Variants in SMCHD1 observed in about 807,000 individuals in gnomAD.
SMCHD1 encodes the protein structural maintenance of chromosomes flexible hinge domain containing 1, also known as structural maintenance of chromosomes flexible hinge domain-containing protein 1.
In SMCHD1, 78 loss-of-function variants were observed where a neutral mutation model predicts 254.7. The ratio of observed to expected loss-of-function variants is 0.31; its 90% CI spans 0.26 to 0.37. SMCHD1 has a LOEUF of 0.37. Ranked by LOEUF, SMCHD1 falls within the 10% of genes least tolerant of loss-of-function variation. The pLI, the probability that SMCHD1 is intolerant of heterozygous loss-of-function variation, is 1.00. For missense variants in SMCHD1, 1,840 were observed against 2,408.1 expected (o/e 0.76, Z 4.94); for synonymous variants, 766 against 794.9 (o/e 0.96, Z 0.61).
chr18:2,742,934 A>G (rs1479340933), intron 28 of SMCHD1, among the ~76,000 whole-genome samples: 1 of 152,182 alleles, frequency 6.6e-6, no homozygotes, highest in Non-Finnish European at 1.5e-5. Flanking sequence ...TTGGCCTCGT[A>G]AAGTGCTGGG....
chr18:2,802,636 C>T lies in SMCHD1; in HGVS notation c.*84C>T. The T allele has an allele frequency of 2.3e-6, 3 of 1,280,890 alleles. No individual in the cohort carries two copies. Among genetic ancestry groups the T allele is most frequent in the Non-Finnish European group, 3.2e-6 (3 of 930,856 alleles). 79.3% of individuals were successfully genotyped at this position (1,280,890 alleles called of 1,614,324 possible). A position where few individuals can be genotyped will look rare whatever the true frequency, so the allele number is the denominator to read the frequency against. Reference sequence around the variant, plus strand: ...CTGTTTCAGAAGACCAAGAGGGTGACTTACCAGACTGAGTATTTCTGGGGA... The same window carrying T: ...CTGTTTCAGAAGACCAAGAGGGTGATTTACCAGACTGAGTATTTCTGGGGA... On this transcript the variant is annotated 3_prime_UTR_variant, in exon 48 of 48. Coordinates refer to ENST00000320876, the MANE Select transcript of SMCHD1 (RefSeq NM_015295.3).
chr18:2,696,673 G>A (rs1044340114), intron 8 of SMCHD1, among the ~76,000 whole-genome samples: 1 of 152,178 alleles, frequency 6.6e-6, no homozygotes, highest in South Asian at 2.1e-4. Context: ...CTGGTAAGTA[G>A]AATTATAGAC....
intron 5 of SMCHD1, among the ~76,000 whole-genome samples, chr18:2,676,056 T>G (rs2073741784): frequency 1.3e-5 from 2 of 152,204 alleles, no homozygotes; most frequent in African/African-American, 4.8e-5. Flanking sequence ...GATACACCCC[T>G]TCAGCCTCTA....
chr18:2,754,528 A>G (rs528537091), intron 34 of SMCHD1, among the ~76,000 whole-genome samples: 122 of 152,348 alleles, frequency 8.0e-4, no homozygotes, highest in African/African-American at 2.7e-3. Context: ...AATGTTGTCA[A>G]CCAGGGAAGC....
chr18:2,784,335 G>T (rs2076206002), intron 44 of SMCHD1, 115 bp from the exon 45 acceptor site: 2 of 892,396 alleles, frequency 2.2e-6, no homozygotes, highest in Admixed American at 3.5e-5. Flanking sequence ...CTAAGTTTTT[G>T]AAAATACTAC....
At chr18:2,759,652 C>G (rs957072067) in intron 34 of SMCHD1, among the ~76,000 whole-genome samples, 2 of 140,372 alleles carry the variant, frequency 1.4e-5, no homozygotes, top group African/African-American at 5.2e-5. Flanking sequence ...TCACAGCAAC[C>G]TCTGCCTTCC....
At chr18:2,722,084 C>T (rs1414353241) in intron 19 of SMCHD1, among the ~76,000 whole-genome samples, 3 of 152,240 alleles carry the variant, frequency 2.0e-5, no homozygotes, top group African/African-American at 7.2e-5. Flanking sequence ...TTTCTCATGT[C>T]GAGCTTCTAT....
intron 13 of SMCHD1, among the ~76,000 whole-genome samples, chr18:2,704,385 ATTT>A (rs1247512122): frequency 6.6e-6 from 1 of 151,996 alleles, no homozygotes; most frequent in African/African-American, 2.4e-5. Flanking sequence ...ATTTTTAAGT[ATTT>A]TTTTGTTGAG....
chr18:2,796,063 T>C lies in SMCHD1; in HGVS notation c.5834T>C (p.Leu1945Pro). Residue 1945 changes from leucine (L) to proline (P), a missense_variant, in exon 46 of 48, where the codon CTT (leucine) becomes CCT (proline). Physicochemically the swap from Leu to Pro is moderately conservative, Grantham distance 98 (BLOSUM62 -3). Transcript: ENST00000320876. ...GATATGAGGAAGAAAAAGCAAGAAC[T>C]TGATGAACATGAGAAAAATCTCAAA... ...TPDMRKKKQE[L>P]DEHEKNLKLI... 6.3e-7 allele frequency: 1 copy of C among 1,578,572 alleles called. No individual in the cohort carries two copies. Among genetic ancestry groups the C allele is most frequent in the Admixed American group, 1.9e-5 (1 of 53,310 alleles).
At chr18:2,736,606 TAAGAG>T (rs1477328449) in intron 25 of SMCHD1, among the ~76,000 whole-genome samples, 1 of 151,528 alleles carries the variant, frequency 6.6e-6, no homozygotes, top group Non-Finnish European at 1.5e-5. Flanking sequence ...GATAACTTGT[TAAGAG>T]AAGACATACA....
At chr18:2,735,286 C>T (rs8096415) in intron 25 of SMCHD1, among the ~76,000 whole-genome samples, 30,869 of 151,922 alleles carry the variant, frequency 0.2, 3,375 homozygotes, top group South Asian at 0.33. Flanking sequence ...AAGAACACAC[C>T]TCAAGATAAT....
intron 12 of SMCHD1, 141 bp downstream of exon 12, chr18:2,701,059 G>T: frequency 1.8e-6 from 1 of 550,962 alleles, no homozygotes; most frequent in Non-Finnish European, 3.0e-6. Context: ...GCAGTCAAGT[G>T]TTCACATTAC....
chr18:2,713,398 A>G (rs1325100031), intron 17 of SMCHD1, among the ~76,000 whole-genome samples: 2 of 152,194 alleles, frequency 1.3e-5, no homozygotes, highest in African/African-American at 2.4e-5. Context: ...ATGTTTCTAG[A>G]ACATGTTTCT....
At chr18:2,687,927 G>A (rs1454335183) in intron 5 of SMCHD1, among the ~76,000 whole-genome samples, 1 of 152,112 alleles carries the variant, frequency 6.6e-6, no homozygotes, top group Admixed American at 6.5e-5. Flanking sequence ...AAAGACCAGT[G>A]ATGCCTCTTC....
At chr18:2,737,277 A>G (rs997646698) in intron 25 of SMCHD1, among the ~76,000 whole-genome samples, 3 of 152,206 alleles carry the variant, frequency 2.0e-5, no homozygotes, top group African/African-American at 7.2e-5. Flanking sequence ...GTTGGGTACT[A>G]TGCTCATTAC....
intron 8 of SMCHD1, among the ~76,000 whole-genome samples, chr18:2,695,214 T>C (rs1386418386): frequency 4.6e-5 from 7 of 152,026 alleles, no homozygotes; most frequent in Non-Finnish European, 1.0e-4. Context: ...GTACTGAAAA[T>C]AATCATTGTG....
chr18:2,679,618 G>A (rs939263230), intron 5 of SMCHD1, among the ~76,000 whole-genome samples: 73 of 151,524 alleles, frequency 4.8e-4, no homozygotes, highest in African/African-American at 1.6e-3. Context: ...GATCACTTCT[G>A]TGTAACAAAT....
At chr18:2,657,149 G>C (rs1211300849) in intron 1 of SMCHD1, among the ~76,000 whole-genome samples, 1 of 152,184 alleles carries the variant, frequency 6.6e-6, no homozygotes, top group Non-Finnish European at 1.5e-5. Flanking sequence ...CTTTGAAGCC[G>C]TGTTTTGTCG....
At chr18:2,692,437 T>C (rs1368509047) in intron 7 of SMCHD1, among the ~76,000 whole-genome samples, 1 of 152,234 alleles carries the variant, frequency 6.6e-6, no homozygotes, top group Non-Finnish European at 1.5e-5. Flanking sequence ...CTCCTTCTCC[T>C]GTCTTCCTCT....
Sources: allele counts gnomAD v4.1 joint callset (sites outside exome capture counted in the v4.1 genomes callset), GRCh38; gene constraint gnomAD v4.1.1; transcripts MANE v1.5; gene names NCBI Gene and HGNC (gene_info 2026-07-23, HGNC 2026-07-21).